Variants in SLC14A2 observed in about 807,000 individuals in gnomAD.
SLC14A2 encodes solute carrier family 14 member 2, also known as urea transporter 2.
SLC14A2 carries 91 observed loss-of-function variants against 104.6 expected under a neutral mutation model. The ratio of observed to expected loss-of-function variants is 0.87; its 90% CI spans 0.73 to 1.04. SLC14A2 has a LOEUF of 1.04. Ranked by LOEUF, SLC14A2 falls within the 50% of genes least tolerant of loss-of-function variation. The pLI is 0.00. For missense variants in SLC14A2, 1,189 were observed against 1,156.0 expected, an observed-to-expected ratio of 1.03 and a Z score of -0.41; for synonymous variants, 476 against 466.4, an observed-to-expected ratio of 1.02 and a Z score of -0.27.
intron 2 of SLC14A2, among the ~76,000 whole-genome samples, chr18:45,486,298 T>G (rs545904390): frequency 4.6e-5 from 7 of 152,256 alleles, no homozygotes; most frequent in African/African-American, 1.7e-4. Context: ...CTTGCGGGTT[T>G]ATAAGTATTT....
intron 10 of SLC14A2, among the ~76,000 whole-genome samples, chr18:45,660,948 A>G (rs537481963): frequency 1.3e-5 from 2 of 151,854 alleles, no homozygotes; most frequent in African/African-American, 4.8e-5. Context: ...TCCATTCTCA[A>G]CTCTTGGCTG....
chr18:45,381,982 G>T (rs1248333399), intron 1 of SLC14A2, among the ~76,000 whole-genome samples: 1 of 152,128 alleles, frequency 6.6e-6, no homozygotes, highest in African/African-American at 2.4e-5. Flanking sequence ...AAAACATGCA[G>T]TTTATATAAC....
chr18:45,310,316 G>A (rs2085065753), intron 1 of SLC14A2, among the ~76,000 whole-genome samples: 2 of 152,186 alleles, frequency 1.3e-5, no homozygotes, highest in African/African-American at 4.8e-5. Context: ...TCACTGAAGG[G>A]TTCCATGGTG....
chr18:45,293,065 A>G (rs1450524735), intron 1 of SLC14A2, among the ~76,000 whole-genome samples: 95 of 152,104 alleles, frequency 6.2e-4, no homozygotes, highest in Admixed American at 6.2e-3. Context: ...TGGCTGTTTC[A>G]TGAAATCAGA....
chr18:45,392,255 T>G (rs1424923658), intron 1 of SLC14A2, among the ~76,000 whole-genome samples: 1 of 152,304 alleles, frequency 6.6e-6, no homozygotes. Flanking sequence ...CCAACACACA[T>G]GCTTCTCCCC....
chr18:45,223,743 T>C (rs1458206258), intron 1 of SLC14A2, among the ~76,000 whole-genome samples: 1 of 152,076 alleles, frequency 6.6e-6, no homozygotes, highest in Non-Finnish European at 1.5e-5. Context: ...AGCCCTGAGG[T>C]CCAGAGGCAG....
chr18:45,211,241 C>A (rs1016227756), upstream of SLC14A2, among the ~76,000 whole-genome samples: 2 of 152,170 alleles, frequency 1.3e-5, no homozygotes, highest in African/African-American at 4.8e-5. Context: ...TTTCCCAGTG[C>A]CCAAAGTACA....
At chr18:45,631,282 T>C (rs958855686) in intron 4 of SLC14A2, among the ~76,000 whole-genome samples, 1 of 152,188 alleles carries the variant, frequency 6.6e-6, no homozygotes, top group African/African-American at 2.4e-5. Context: ...CTAAGGCAGG[T>C]GCAGAGGGAC....
At chr18:45,626,822 C>A in intron 3 of SLC14A2, 136 bp from the exon 4 acceptor site, 1 of 487,788 alleles carries the variant, frequency 2.1e-6, no homozygotes, top group Admixed American at 3.2e-5. Context: ...ACCCCTCCAC[C>A]CCGACCCCTG....
chr18:45,563,617 CTA>C (rs2044231873), intron 2 of SLC14A2, among the ~76,000 whole-genome samples: 1 of 152,100 alleles, frequency 6.6e-6, no homozygotes, highest in Non-Finnish European at 1.5e-5. Flanking sequence ...CTTTAAATGA[CTA>C]TAATTTTTCA....
chr18:45,577,745 A>T (rs2044435493), intron 2 of SLC14A2, among the ~76,000 whole-genome samples: 1 of 152,198 alleles, frequency 6.6e-6, no homozygotes, highest in African/African-American at 2.4e-5. Context: ...AGTGAAATTT[A>T]TCATTAGTCA....
At chr18:45,539,329 T>C (rs1353278765) in intron 2 of SLC14A2, among the ~76,000 whole-genome samples, 1 of 152,224 alleles carries the variant, frequency 6.6e-6, no homozygotes, top group East Asian at 1.9e-4. Flanking sequence ...GTTATGTCTA[T>C]CTGTAAGACT....
At chr18:45,584,807 T>C (rs1388570353) in intron 2 of SLC14A2, among the ~76,000 whole-genome samples, 1 of 152,204 alleles carries the variant, frequency 6.6e-6, no homozygotes, top group Non-Finnish European at 1.5e-5. Flanking sequence ...TGATAGCAGG[T>C]TTCTGAATAT....
chr18:45,311,335 T>C (rs1347400454), intron 1 of SLC14A2, among the ~76,000 whole-genome samples: 1 of 152,192 alleles, frequency 6.6e-6, no homozygotes, highest in East Asian at 1.9e-4. Context: ...TCTAAACACA[T>C]AATCACATTT....
intron 4 of SLC14A2, 45 bp downstream of exon 4, chr18:45,627,192 A>G: frequency 6.4e-7 from 1 of 1,557,988 alleles, no homozygotes; most frequent in East Asian, 2.3e-5. Context: ...TGTGGAACAG[A>G]AAGTAGAGAG....
intron 2 of SLC14A2, among the ~76,000 whole-genome samples, chr18:45,579,567 C>T: frequency 6.6e-6 from 1 of 152,146 alleles, no homozygotes; most frequent in East Asian, 1.9e-4. Context: ...TGGTTCAAAC[C>T]TCTGTCTTTT....
intron 1 of SLC14A2, among the ~76,000 whole-genome samples, chr18:45,266,793 G>A (rs1302078353): frequency 2.6e-5 from 4 of 152,150 alleles, no homozygotes; most frequent in East Asian, 1.9e-4. Context: ...CTGTCTGGCC[G>A]AATGCTGAGC....
intron 4 of SLC14A2, among the ~76,000 whole-genome samples, chr18:45,629,846 C>A (rs892832594): frequency 2.0e-5 from 3 of 152,194 alleles, no homozygotes; most frequent in African/African-American, 7.2e-5. Flanking sequence ...GCTTGGCTCC[C>A]CAAGTGTCAT....
chr18:45,496,256 C>T (rs1160514473), intron 2 of SLC14A2, among the ~76,000 whole-genome samples: 3 of 152,174 alleles, frequency 2.0e-5, no homozygotes, highest in Admixed American at 1.3e-4. Context: ...AGAGAAGTAA[C>T]ATTTCCAAGT....
Sources: gnomAD v4.1 joint callset for allele counts (sites outside exome capture counted in the v4.1 genomes callset) on GRCh38, gnomAD v4.1.1 for gene constraint, MANE v1.5 for transcripts, NCBI Gene and HGNC (gene_info 2026-07-23, HGNC 2026-07-21) for gene names.